The following UBE2G1 variants were observed in gnomAD, a reference collection of about 807,000 sequenced individuals.
UBE2G1 encodes ubiquitin conjugating enzyme E2 G1, also known as ubiquitin-conjugating enzyme E2 G1.
In UBE2G1, 5 loss-of-function variants were observed where a neutral mutation model predicts 22.7. That is an observed-to-expected ratio of 0.22 (90% CI 0.12 to 0.46). The LOEUF is 0.46. UBE2G1 is among the 20% of genes least tolerant of loss of function. UBE2G1 has a pLI of 0.99. For missense variants in UBE2G1, 88 were observed against 203.9 expected, an observed-to-expected ratio of 0.43 and a Z score of 3.46; for synonymous variants, 74 against 67.5, an observed-to-expected ratio of 1.10 and a Z score of -0.47.
chr17:4,324,291 C>T (rs1338776929), intron 1 of UBE2G1, among the ~76,000 whole-genome samples: 2 of 152,108 alleles, frequency 1.3e-5, no homozygotes, highest in Non-Finnish European at 2.9e-5. Flanking sequence ...CTACTGAGCA[C>T]CTAAGAAGTG....
intron 1 of UBE2G1, among the ~76,000 whole-genome samples, chr17:4,339,341 G>T: frequency 6.6e-6 from 1 of 150,762 alleles, no homozygotes; most frequent in African/African-American, 2.4e-5. Flanking sequence ...TTTCACTCTT[G>T]TTGCCCAGGC....
intron 1 of UBE2G1, among the ~76,000 whole-genome samples, chr17:4,317,091 T>A (rs1432654971): frequency 6.6e-6 from 1 of 152,118 alleles, no homozygotes; most frequent in Non-Finnish European, 1.5e-5. Flanking sequence ...GGCTCACGCC[T>A]GTAATCCCAG....
chr17:4,342,688 G>A lies in UBE2G1; in HGVS notation c.46+23583C>T, dbSNP rs552755566. On this transcript the variant is annotated intron_variant, in intron 1 of 5. Transcript: ENST00000396981. ...GTTCTCGGCTCCAATACAGGTCCAA[G>A]CTAGCATCATGTCTCATCTGACTCT... is the stretch of plus-strand genomic sequence containing the variant. Among the ~76,000 whole-genome samples, 3 of 152,298 alleles carry A rather than the reference G, an allele frequency of 2.0e-5. 1 individual carries two copies. The South Asian group carries it at 6.2e-4, about 32-fold the overall frequency.
chr17:4,337,641 G>A (rs1347488141), intron 1 of UBE2G1, among the ~76,000 whole-genome samples: 12 of 142,256 alleles, frequency 8.4e-5, no homozygotes, highest in Non-Finnish European at 1.1e-4. Flanking sequence ...CAACAAGAGC[G>A]AAACTCGGTC....
At chr17:4,294,402 T>G (rs1969079958) in intron 3 of UBE2G1, among the ~76,000 whole-genome samples, 2 of 134,062 alleles carry the variant, frequency 1.5e-5, no homozygotes, top group East Asian at 4.1e-4. Context: ...GGCGAGACAG[T>G]GAGACTCCGT....
intron 3 of UBE2G1, among the ~76,000 whole-genome samples, chr17:4,290,334 A>T (rs951818236): frequency 2.6e-5 from 4 of 152,204 alleles, no homozygotes; most frequent in Non-Finnish European, 5.9e-5. Flanking sequence ...TATAATGCTA[A>T]ATCTTATTTT....
At chr17:4,311,916 T>C (rs1469166648) in intron 1 of UBE2G1, among the ~76,000 whole-genome samples, 1 of 152,126 alleles carries the variant, frequency 6.6e-6, no homozygotes, top group Admixed American at 6.5e-5. Flanking sequence ...GGCTTGGTAT[T>C]AAATGCCTTT....
chr17:4,346,431 C>CTTTTTTTTTTTTTTTTTTTTT (rs67852481), intron 1 of UBE2G1, among the ~76,000 whole-genome samples: 2 of 120,524 alleles, frequency 1.7e-5, no homozygotes, highest in African/African-American at 6.9e-5. Context: ...TTTTCTTCTT[C>CTTTTTTTTTTTTTTTTTTTTT]TTTTTTTTTT....
intron 1 of UBE2G1, among the ~76,000 whole-genome samples, chr17:4,336,760 C>A (rs1044895249): frequency 6.6e-6 from 1 of 151,956 alleles, no homozygotes; most frequent in Non-Finnish European, 1.5e-5. Context: ...TGTGAGCCAC[C>A]GCACCCAGCC....
intron 1 of UBE2G1, among the ~76,000 whole-genome samples, chr17:4,328,414 T>A (rs936405268): frequency 9.2e-5 from 14 of 152,182 alleles, no homozygotes; most frequent in African/African-American, 2.7e-4. Context: ...TTCCCTTGGG[T>A]GATTTAATAG....
chr17:4,285,471 A>G (rs552177228), intron 4 of UBE2G1, among the ~76,000 whole-genome samples: 2 of 152,344 alleles, frequency 1.3e-5, no homozygotes, highest in South Asian at 4.1e-4. Flanking sequence ...AGCACCTTAC[A>G]TCATAAATAG....
chr17:4,322,066 T>C (rs944256456), intron 1 of UBE2G1, among the ~76,000 whole-genome samples: 1 of 152,194 alleles, frequency 6.6e-6, no homozygotes, highest in Non-Finnish European at 1.5e-5. Context: ...TTCTAACATA[T>C]GACCAAGTAT....
intron 5 of UBE2G1, among the ~76,000 whole-genome samples, chr17:4,277,670 T>C (rs757875713): frequency 8.5e-5 from 13 of 152,226 alleles, no homozygotes; most frequent in Non-Finnish European, 1.3e-4. Context: ...TAGATAAATA[T>C]GTATTTTCAA....
At position 4,357,228 on chromosome 17, in the gene UBE2G1, G is replaced by A. The variant is rs991769454; in HGVS notation, c.46+9043C>T. On this transcript the variant is annotated intron_variant, in intron 1 of 5. Coordinates refer to ENST00000396981, the MANE Select transcript of UBE2G1 (RefSeq NM_003342.5). ...TGTCCCTCCTGCCTATCACTTAGCA[G>A]TGCCTGGTTTCAAGTAACCCTTATT... is the stretch of plus-strand genomic sequence containing the variant. Among the ~76,000 whole-genome samples the A allele has an allele frequency of 3.3e-5, 5 of 152,214 alleles. No individual in the cohort carries two copies. The Middle Eastern group carries it at 0.014, about 414-fold the overall frequency.
intron 1 of UBE2G1, among the ~76,000 whole-genome samples, chr17:4,365,776 G>C (rs1970026622): frequency 6.6e-6 from 1 of 152,174 alleles, no homozygotes; most frequent in Non-Finnish European, 1.5e-5. Flanking sequence ...AGCGCCGCCC[G>C]GGGAGAAGTT....
At chr17:4,302,159 T>C in intron 2 of UBE2G1, 1 of 517,518 alleles carries the variant, frequency 1.9e-6, no homozygotes. Context: ...TTATTGGACT[T>C]GGGAAAGTTT....
At chr17:4,287,182 C>A (rs1029313457) in intron 4 of UBE2G1, among the ~76,000 whole-genome samples, 1 of 149,652 alleles carries the variant, frequency 6.7e-6, no homozygotes, top group South Asian at 2.1e-4. Flanking sequence ...GGGCTCACTG[C>A]AAGCACTGCC....
intron 1 of UBE2G1, among the ~76,000 whole-genome samples, chr17:4,319,965 T>A (rs976255969): frequency 6.6e-6 from 1 of 151,496 alleles, no homozygotes; most frequent in African/African-American, 2.4e-5. Context: ...CTATAAGCTT[T>A]TATATATATA....
At chr17:4,347,669 T>C (rs557144601) in intron 1 of UBE2G1, among the ~76,000 whole-genome samples, 31 of 151,920 alleles carry the variant, frequency 2.0e-4, no homozygotes, top group Non-Finnish European at 3.8e-4. Context: ...TAGATACAGG[T>C]TTTCACCACG....
Sources: allele counts gnomAD v4.1 joint callset (sites outside exome capture counted in the v4.1 genomes callset), GRCh38; gene constraint gnomAD v4.1.1; transcripts MANE v1.5; gene names NCBI Gene and HGNC (gene_info 2026-07-23, HGNC 2026-07-21).